Variants in NTMT2 observed in about 807,000 individuals in gnomAD.
The protein encoded by NTMT2 is N-terminal Xaa-Pro-Lys N-methyltransferase 2.
A neutral mutation model predicts 23.4 loss-of-function variants in NTMT2; 21 were observed. That is an observed-to-expected ratio of 0.90 (90% CI 0.64 to 1.29). The LOEUF (loss-of-function observed/expected upper bound fraction) is 1.29. Among genes scored for constraint, NTMT2 ranks in the 50% most tolerant of loss-of-function variants. NTMT2 has a pLI of 0.00. For missense variants in NTMT2, 336 were observed against 352.0 expected (o/e 0.95, Z 0.36); for synonymous variants, 131 against 127.7 (o/e 1.03, Z -0.17).
chr1:170,158,731 T>C (rs1673210963), intron 1 of NTMT2, among the ~76,000 whole-genome samples: 1 of 152,054 alleles, frequency 6.6e-6, no homozygotes, highest in Admixed American at 6.6e-5. Context: ...AGTCTTCTTA[T>C]TTCTGTTTTG....
At chr1:170,152,709 C>G (rs1286733185) in intron 1 of NTMT2, among the ~76,000 whole-genome samples, 2 of 119,998 alleles carry the variant, frequency 1.7e-5, no homozygotes, top group Admixed American at 7.9e-5. Flanking sequence ...ACTGATAAAT[C>G]CCCCCCCCAC....
intron 1 of NTMT2, among the ~76,000 whole-genome samples, chr1:170,159,298 T>G (rs1009186405): frequency 6.6e-6 from 1 of 152,146 alleles, no homozygotes; most frequent in African/African-American, 2.4e-5. Flanking sequence ...ATTTATTCTT[T>G]TTTAAGACAA....
intron 1 of NTMT2, among the ~76,000 whole-genome samples, chr1:170,156,692 G>A (rs539425493): frequency 6.6e-6 from 1 of 151,986 alleles, no homozygotes; most frequent in South Asian, 2.1e-4. Context: ...GCTTTCAGGA[G>A]GGGAGAACCT....
In NTMT2 at chr1:170,166,574, T is replaced by C; in HGVS notation, c.403T>C (p.Leu135=). 1 of 1,552,286 alleles carries C rather than the reference T, an allele frequency of 6.4e-7. No individual in the cohort carries two copies. The highest frequency in any genetic ancestry group is 8.7e-7 in the Non-Finnish European group (1 of 1,147,120). The change falls in exon 3 of 4, where the codon TTA becomes CTA. Residue 135 remains leucine, a synonymous_variant. Transcript: ENST00000439373. ...GATAGGAAGGGTCAGCAAACACGTC[T>C]TATTGCCTGTTTTCAACAGTGTGGA... ...SGIGRVSKHV[L]LPVFNSVELV... is the part of the protein sequence containing the mutation.
intron 1 of NTMT2, among the ~76,000 whole-genome samples, chr1:170,151,998 A>G (rs1191540003): frequency 1.3e-5 from 2 of 152,210 alleles, no homozygotes; most frequent in Non-Finnish European, 2.9e-5. Flanking sequence ...TACCAAAGGT[A>G]TGACTTATGT....
chr1:170,154,055 T>A (rs1673119146), intron 1 of NTMT2, among the ~76,000 whole-genome samples: 1 of 152,162 alleles, frequency 6.6e-6, no homozygotes, highest in Non-Finnish European at 1.5e-5. Flanking sequence ...ACTCCAGCTC[T>A]AGCTGTGGCT....
chr1:170,151,085 A>G (rs1673059617), intron 1 of NTMT2, among the ~76,000 whole-genome samples: 1 of 152,124 alleles, frequency 6.6e-6, no homozygotes, highest in African/African-American at 2.4e-5. Context: ...GTGTAGAACA[A>G]TGGTTCTGTG....
chr1:170,152,278 G>A (rs2102231958), intron 1 of NTMT2, among the ~76,000 whole-genome samples: 1 of 152,268 alleles, frequency 6.6e-6, no homozygotes, highest in Non-Finnish European at 1.5e-5. Context: ...AGGTGCAAAG[G>A]AAGCATGGGG....
chr1:170,149,265 C>T (rs544379133), intron 1 of NTMT2, among the ~76,000 whole-genome samples: 1 of 152,330 alleles, frequency 6.6e-6, no homozygotes, highest in Non-Finnish European at 1.5e-5. Flanking sequence ...TGTGAATACT[C>T]AGATTTTTTT....
At chr1:170,161,582 G>T (rs1673274039) in intron 2 of NTMT2, 1 of 152,136 alleles carries the variant, frequency 6.6e-6, no homozygotes. Context: ...TGCACCAAGT[G>T]TCAGTTTTCT....
In NTMT2 at chr1:170,156,131, A is replaced by C. The variant is rs550863781; in HGVS notation, c.155-4387A>C. Among the ~76,000 whole-genome samples, 8 of 152,210 alleles carry C rather than the reference A, an allele frequency of 5.3e-5. No individual in the cohort carries two copies. The South Asian group carries it at 1.7e-3, about 32-fold the overall frequency. On this transcript the variant is annotated intron_variant, in intron 1 of 3. Coordinates refer to ENST00000439373, the MANE Select transcript of NTMT2 (RefSeq NM_001136107.2). The stretch of plus-strand genomic sequence containing the variant: ...TCCTGCTCATTTTTTTGCTAACCCA[A>C]ATAAAAAGTATCCTTCATGGTTAAG...
intron 1 of NTMT2, among the ~76,000 whole-genome samples, chr1:170,148,242 A>G (rs1673005611): frequency 7.7e-6 from 1 of 130,012 alleles, no homozygotes; most frequent in Non-Finnish European, 1.5e-5. Flanking sequence ...TCCACCTCCC[A>G]GGTTCACTCC....
chr1:170,152,959 T>C (rs375693408), intron 1 of NTMT2, among the ~76,000 whole-genome samples: 6 of 152,314 alleles, frequency 3.9e-5, no homozygotes, highest in Admixed American at 2.6e-4. Context: ...GATGGATCCC[T>C]CATGCCTTGG....
At chr1:170,153,775 G>A (rs904079860) in intron 1 of NTMT2, among the ~76,000 whole-genome samples, 1 of 152,230 alleles carries the variant, frequency 6.6e-6, no homozygotes, top group South Asian at 2.1e-4. Flanking sequence ...TTGAAAATTT[G>A]CAGCCTAGCC....
intron 1 of NTMT2, among the ~76,000 whole-genome samples, chr1:170,157,505 G>T (rs2102236003): frequency 6.6e-6 from 1 of 152,226 alleles, no homozygotes; most frequent in East Asian, 1.9e-4. Flanking sequence ...ATGTCTCCAA[G>T]TTGGAAAATG....
chr1:170,154,626 T>C (rs1285632543), intron 1 of NTMT2, among the ~76,000 whole-genome samples: 1 of 152,202 alleles, frequency 6.6e-6, no homozygotes, highest in African/African-American at 2.4e-5. Context: ...ACCCAATACC[T>C]GTATCCCCAT....
rs1422934399 is a variant in NTMT2, at chr1:170,167,505, C to T, written c.600C>T (p.Asp200=). The T allele has an allele frequency of 6.4e-7, 1 of 1,550,662 alleles. No homozygotes were observed. Among genetic ancestry groups the T allele is most frequent in the East Asian group, 2.4e-5 (1 of 40,936 alleles). The change falls in exon 4 of 4, where the codon GAC becomes GAT. Residue 200 remains aspartate, a synonymous_variant. Coordinates refer to ENST00000439373, the MANE Select transcript of NTMT2 (RefSeq NM_001136107.2). The part of the protein sequence containing the change: ...QWVSGHLTDK[D]LLAFLSRCRD... ...TTGTAGGGCACCTGACTGATAAGGA[C>T]CTTCTTGCATTTCTTTCCCGGTGCC...
intron 3 of NTMT2, 30 bp from the exon 4 acceptor site, chr1:170,167,456 G>T: frequency 6.6e-7 from 1 of 1,514,986 alleles, no homozygotes; most frequent in Admixed American, 2.0e-5. Flanking sequence ...ATTTCTTCCT[G>T]TTCCCCCATC....
intron 1 of NTMT2, among the ~76,000 whole-genome samples, chr1:170,146,596 A>T (rs1208989529): frequency 6.6e-6 from 1 of 152,224 alleles, no homozygotes; most frequent in Non-Finnish European, 1.5e-5. Context: ...GGCAAATTTG[A>T]TAATTCAAAG....
Sources: allele counts gnomAD v4.1 joint callset (sites outside exome capture counted in the v4.1 genomes callset), GRCh38; gene constraint gnomAD v4.1.1; transcripts MANE v1.5; gene names NCBI Gene and HGNC (gene_info 2026-07-23, HGNC 2026-07-21).